Variants in ERC2 observed in about 807,000 individuals in gnomAD.
ERC2 encodes the protein ELKS/RAB6-interacting/CAST family member 2, also known as ERC protein 2.
In ERC2, 42 loss-of-function variants were observed where a neutral mutation model predicts 114.8. The ratio of observed to expected loss-of-function variants is 0.37; its 90% confidence interval spans 0.29 to 0.47. The LOEUF is 0.47. ERC2 is among the 20% of genes least tolerant of loss of function. The pLI is 0.99. For synonymous variants in ERC2, 454 were observed against 425.5 expected (o/e 1.07, Z -0.82); for missense variants, 939 against 1,150.7 (o/e 0.82, Z 2.66).
rs559891801 is a variant in ERC2, at chr3:56,217,605, C to T, written c.1075-44085G>A. ...TTCAATGCCATCCCCATCAAGCTAC[C>T]AATGACTTTCTTCACAGAATTGGAA... On this transcript the variant is annotated intron_variant, in intron 3 of 17. Transcript: ENST00000288221. Among the ~76,000 whole-genome samples, 27 of 152,246 alleles carry T rather than the reference C, an allele frequency of 1.8e-4. No individual in the cohort carries two copies. The East Asian group carries it at 5.2e-3, about 29-fold the overall frequency.
intron 3 of ERC2, among the ~76,000 whole-genome samples, chr3:56,191,150 G>A (rs1291051210): frequency 6.6e-6 from 1 of 152,184 alleles, no homozygotes; most frequent in Non-Finnish European, 1.5e-5. Flanking sequence ...TGGCCAAGGG[G>A]AGGCCCTGGA....
chr3:56,248,642 A>C (rs949176343), intron 3 of ERC2, among the ~76,000 whole-genome samples: 2 of 152,242 alleles, frequency 1.3e-5, no homozygotes, highest in Non-Finnish European at 2.9e-5. Flanking sequence ...GCTAAGGCAA[A>C]GACATATTTG....
At chr3:56,036,180 C>A (rs1039266871) in intron 7 of ERC2, among the ~76,000 whole-genome samples, 9 of 152,142 alleles carry the variant, frequency 5.9e-5, no homozygotes, top group African/African-American at 1.9e-4. Flanking sequence ...AGACTCTCGA[C>A]AAATTGGGCA....
intron 7 of ERC2, among the ~76,000 whole-genome samples, chr3:56,075,879 G>T (rs2076944797): frequency 6.6e-6 from 1 of 151,974 alleles, no homozygotes; most frequent in Admixed American, 6.6e-5. Context: ...ACACTAACAG[G>T]GAAATCTCTA....
At chr3:56,131,489 A>G (rs2080196928) in intron 6 of ERC2, among the ~76,000 whole-genome samples, 1 of 152,192 alleles carries the variant, frequency 6.6e-6, no homozygotes, top group Non-Finnish European at 1.5e-5. Context: ...TAACTTTTCT[A>G]AAAAGCATCT....
Position 56,337,599 on chromosome 3 carries a change from C to T in ERC2, c.658-41164G>A, listed in dbSNP as rs138514665. On this transcript the variant is annotated intron_variant, in intron 2 of 17. Coordinates refer to ENST00000288221, the MANE Select transcript of ERC2 (RefSeq NM_015576.3). ...TATGATTATTATCCATCTGTGGTTC[C>T]CACAATGCCACCAAAATTGGGGATT... Among the ~76,000 whole-genome samples the T allele has an allele frequency of 3.3e-3, 510 of 152,308 alleles. 1 individual carries two copies. Among genetic ancestry groups the T allele is most frequent in the African/African-American group, 0.011 (464 of 41,560 alleles).
intron 14 of ERC2, among the ~76,000 whole-genome samples, chr3:55,750,707 G>A (rs1301528409): frequency 1.3e-5 from 2 of 152,144 alleles, no homozygotes; most frequent in African/African-American, 4.8e-5. Flanking sequence ...GTTCCTAGTT[G>A]CATAACTTTC....
intron 2 of ERC2, among the ~76,000 whole-genome samples, chr3:56,333,579 T>G (rs977381885): frequency 1.3e-5 from 2 of 152,244 alleles, no homozygotes; most frequent in African/African-American, 2.4e-5. Context: ...TACCTATGTC[T>G]ATGTAAAAGA....
chr3:55,821,694 A>G (rs1277324343), intron 14 of ERC2, among the ~76,000 whole-genome samples: 2 of 152,252 alleles, frequency 1.3e-5, no homozygotes, highest in Non-Finnish European at 2.9e-5. Flanking sequence ...ACCACCATTC[A>G]GTCCTCATGA....
intron 14 of ERC2, among the ~76,000 whole-genome samples, chr3:55,793,798 G>C (rs1015584913): frequency 7.2e-5 from 11 of 152,116 alleles, no homozygotes; most frequent in African/African-American, 2.7e-4. Flanking sequence ...AATGAACAAA[G>C]AGAGACAGAG....
At chr3:56,391,404 A>C (rs2060122772) in intron 2 of ERC2, among the ~76,000 whole-genome samples, 1 of 152,206 alleles carries the variant, frequency 6.6e-6, no homozygotes, top group Non-Finnish European at 1.5e-5. Context: ...ATAGTTTATC[A>C]ATCATTCACT....
intron 2 of ERC2, among the ~76,000 whole-genome samples, chr3:56,353,501 T>C (rs558337035): frequency 7.9e-5 from 12 of 151,972 alleles, no homozygotes; most frequent in African/African-American, 2.9e-4. Context: ...TCATGTCCTT[T>C]ATAGGGACAT....
At chr3:55,623,930 C>A (rs358922) in intron 17 of ERC2, among the ~76,000 whole-genome samples, 1 of 152,044 alleles carries the variant, frequency 6.6e-6, no homozygotes, top group Non-Finnish European at 1.5e-5. Context: ...CACTGGGTAA[C>A]AAGCATTTTG....
chr3:55,684,161 T>C (rs546206101), intron 16 of ERC2, among the ~76,000 whole-genome samples: 3 of 152,216 alleles, frequency 2.0e-5, no homozygotes, highest in African/African-American at 4.8e-5. Flanking sequence ...TAGCAGATGA[T>C]TATTTTTTTG....
intron 2 of ERC2, among the ~76,000 whole-genome samples, chr3:56,421,252 C>T (rs993765984): frequency 1.3e-5 from 2 of 152,234 alleles, no homozygotes; most frequent in Non-Finnish European, 2.9e-5. Context: ...CGTCTTGGTC[C>T]TCCTAATACT....
intron 17 of ERC2, among the ~76,000 whole-genome samples, chr3:55,680,560 A>G (rs2062010950): frequency 6.6e-6 from 1 of 152,204 alleles, no homozygotes; most frequent in Non-Finnish European, 1.5e-5. Context: ...CTTTTTCTGC[A>G]TTTTGCAAGG....
At chr3:55,843,128 G>T (rs987823441) in intron 14 of ERC2, among the ~76,000 whole-genome samples, 2 of 152,096 alleles carry the variant, frequency 1.3e-5, no homozygotes, top group African/African-American at 2.4e-5. Context: ...ACTAAGTTTG[G>T]GCCAAGGTAT....
intron 7 of ERC2, among the ~76,000 whole-genome samples, chr3:56,037,773 GA>G (rs2074898704): frequency 6.6e-6 from 1 of 152,096 alleles, no homozygotes; most frequent in Non-Finnish European, 1.5e-5. Context: ...AGGTCAAAAT[GA>G]AGGAAAAATG....
At chr3:55,734,719 C>G (rs1477350194) in intron 15 of ERC2, 52 bp downstream of exon 15, 29 of 1,555,178 alleles carry the variant, frequency 1.9e-5, no homozygotes, top group Non-Finnish European at 2.3e-5. Context: ...CCAGAGAAAG[C>G]CCCCAAAGCC....
Sources: gnomAD v4.1 joint callset for allele counts (sites outside exome capture counted in the v4.1 genomes callset) on GRCh38, gnomAD v4.1.1 for gene constraint, MANE v1.5 for transcripts, NCBI Gene and HGNC (gene_info 2026-07-23, HGNC 2026-07-21) for gene names.